VEGFC: variants seen among roughly 807,000 people sequenced by gnomAD.
The protein encoded by VEGFC is vascular endothelial growth factor C.
A neutral mutation model predicts 46.1 loss-of-function variants in VEGFC; 12 were observed. The observed-to-expected ratio is 0.26, with a 90% CI of 0.17 to 0.42. The LOEUF (loss-of-function observed/expected upper bound fraction) is 0.42, where lower values mean the gene tolerates loss of function less well. Ranked by LOEUF, VEGFC falls within the 10% of genes least tolerant of loss-of-function variation. VEGFC has a pLI of 1.00. For missense variants in VEGFC, 488 were observed against 529.4 expected, an observed-to-expected ratio of 0.92 and a Z score of 0.77; for synonymous variants, 232 against 195.5, an observed-to-expected ratio of 1.19 and a Z score of -1.56.
intron 1 of VEGFC, among the ~76,000 whole-genome samples, chr4:176,780,387 A>AAAACAAAAAAC (rs1553997795): frequency 8.7e-6 from 1 of 114,760 alleles, no homozygotes; most frequent in African/African-American, 3.2e-5. Flanking sequence ...ATCTCAAAAA[A>AAAACAAAAAAC]AAAAAAAAAA....
In VEGFC at chr4:176,729,698, C is replaced by G; in HGVS notation, c.196G>C (p.Val66Leu). ...TAGAGTACAGTCATGAGTTCATCTA[C>G]ACTGGACACAGACCGTAACTGCTCC... ...LEEQLRSVSS[V>L]DELMTVLYPE... Residue 66 changes from valine (V) to leucine (L), a missense_variant, in exon 2 of 7, where the codon GTA becomes CTA. Physicochemically the swap from Val to Leu is conservative, Grantham distance 32 (BLOSUM62 1). Transcript: ENST00000618562. The G allele has an allele frequency of 6.2e-7, 1 of 1,612,596 alleles. No homozygotes were observed.
chr4:176,692,433 C>A (rs575748174), intron 4 of VEGFC, among the ~76,000 whole-genome samples: 3 of 128,310 alleles, frequency 2.3e-5, no homozygotes, highest in South Asian at 4.3e-4. Context: ...AAACAAAAAA[C>A]GGCACACCAC....
chr4:176,764,983 G>A (rs573992132), intron 1 of VEGFC, among the ~76,000 whole-genome samples: 1 of 152,176 alleles, frequency 6.6e-6, no homozygotes, highest in Admixed American at 6.5e-5. Flanking sequence ...TGAACTGGGA[G>A]GATCTCTTGA....
chr4:176,693,233 A>C (rs1734243964), intron 4 of VEGFC, among the ~76,000 whole-genome samples: 1 of 146,530 alleles, frequency 6.8e-6, no homozygotes, highest in Admixed American at 6.8e-5. Context: ...CTTTGAAAAA[A>C]ATTTAGAAGA....
chr4:176,704,861 A>T (rs1054339875), intron 4 of VEGFC, among the ~76,000 whole-genome samples: 3 of 152,152 alleles, frequency 2.0e-5, no homozygotes, highest in African/African-American at 7.2e-5. Context: ...TGTCTCCAAG[A>T]TGCTTCCTCA....
chr4:176,762,800 C>T (rs982188657), intron 1 of VEGFC, among the ~76,000 whole-genome samples: 1 of 152,132 alleles, frequency 6.6e-6, no homozygotes, highest in African/African-American at 2.4e-5. Context: ...CATATTCACC[C>T]TGGAACAGTT....
At chr4:176,764,600 C>A (rs1351187951) in intron 1 of VEGFC, among the ~76,000 whole-genome samples, 1 of 152,136 alleles carries the variant, frequency 6.6e-6, no homozygotes, top group Admixed American at 6.5e-5. Flanking sequence ...GAAAAAAAAT[C>A]TCATAAATTC....
At position 176,692,671 on chromosome 4, in the gene VEGFC, G is replaced by GT. The variant is rs1480789579; in HGVS notation, c.705-4745_705-4744insA. Among the ~76,000 whole-genome samples, 17 of 148,112 alleles carry GT rather than the reference G, an allele frequency of 1.1e-4. 1 individual carries two copies. The highest frequency in any genetic ancestry group is 7.4e-5 in the Non-Finnish European group (5 of 67,536). On this transcript the variant is annotated intron_variant, in intron 4 of 6. Coordinates refer to ENST00000618562, the MANE Select transcript of VEGFC (RefSeq NM_005429.5). ...GCCTCTGTAGGCTCCACCTCTGGGG[G>GT]CAGGGCACAGACAAACAAAAAGACA...
chr4:176,774,760 G>A (rs528228402), intron 1 of VEGFC, among the ~76,000 whole-genome samples: 2 of 147,744 alleles, frequency 1.4e-5, no homozygotes, highest in Admixed American at 1.4e-4. Flanking sequence ...GTATACATAT[G>A]TAACTAACCT....
intron 1 of VEGFC, among the ~76,000 whole-genome samples, chr4:176,773,806 C>T (rs1263269601): frequency 6.6e-6 from 1 of 152,076 alleles, no homozygotes; most frequent in Non-Finnish European, 1.5e-5. Context: ...CCTCGGCCTT[C>T]GGAGTACTTG....
chr4:176,780,381 C>CAAAAAAAAAA (rs1252541684), intron 1 of VEGFC, among the ~76,000 whole-genome samples: 5 of 12,254 alleles, frequency 4.1e-4, no homozygotes, highest in African/African-American at 7.4e-4. Flanking sequence ...GACTCCATCT[C>CAAAAAAAAAA]AAAAAAAAAA....
chr4:176,698,123 T>G (rs1734357113), intron 4 of VEGFC, among the ~76,000 whole-genome samples: 1 of 151,124 alleles, frequency 6.6e-6, no homozygotes, highest in Non-Finnish European at 1.5e-5. Context: ...ACCCTAAAAC[T>G]TAAAGTATAA....
chr4:176,719,330 AAC>A (rs1734745543), intron 3 of VEGFC, among the ~76,000 whole-genome samples: 2 of 152,170 alleles, frequency 1.3e-5, no homozygotes, highest in African/African-American at 4.8e-5. Flanking sequence ...ACCTTAAGAA[AAC>A]ACAGCATTAA....
At chr4:176,701,890 T>C (rs1734440426) in intron 4 of VEGFC, among the ~76,000 whole-genome samples, 1 of 152,196 alleles carries the variant, frequency 6.6e-6, no homozygotes, top group African/African-American at 2.4e-5. Flanking sequence ...CTAAGCTATC[T>C]CTCCATTTCT....
chr4:176,778,659 T>C (rs1345446891), intron 1 of VEGFC, among the ~76,000 whole-genome samples: 1 of 152,204 alleles, frequency 6.6e-6, no homozygotes, highest in Non-Finnish European at 1.5e-5. Flanking sequence ...ATAAGGGCTA[T>C]TGTAAATAAT....
intron 1 of VEGFC, among the ~76,000 whole-genome samples, chr4:176,763,658 T>C (rs1322644581): frequency 2.0e-5 from 3 of 152,140 alleles, no homozygotes; most frequent in Non-Finnish European, 4.4e-5. Flanking sequence ...AATAATTTGG[T>C]TCATATTAAC....
At chr4:176,736,989 T>C (rs1344322850) in intron 1 of VEGFC, among the ~76,000 whole-genome samples, 1 of 151,164 alleles carries the variant, frequency 6.6e-6, no homozygotes, top group Non-Finnish European at 1.5e-5. Context: ...CTAATGTTTT[T>C]ATTTTAAGTA....
At chr4:176,756,654 G>C (rs1248240766) in intron 1 of VEGFC, among the ~76,000 whole-genome samples, 2 of 152,066 alleles carry the variant, frequency 1.3e-5, no homozygotes, top group African/African-American at 2.4e-5. Context: ...TCCATACAGA[G>C]TTTGGATTTT....
intron 1 of VEGFC, among the ~76,000 whole-genome samples, chr4:176,781,347 G>A (rs1382197169): frequency 6.6e-6 from 1 of 152,156 alleles, no homozygotes; most frequent in African/African-American, 2.4e-5. Context: ...CTCAGTAAGT[G>A]TTCTCTTTTT....
Sources: allele counts gnomAD v4.1 joint callset (sites outside exome capture counted in the v4.1 genomes callset), GRCh38; gene constraint gnomAD v4.1.1; transcripts MANE v1.5; gene names NCBI Gene and HGNC (gene_info 2026-07-23, HGNC 2026-07-21).